The following KLF12 variants were observed in gnomAD, a reference collection of about 807,000 sequenced individuals.
KLF12 encodes KLF transcription factor 12.
A neutral mutation model predicts 37.8 loss-of-function variants in KLF12; 9 were observed. The ratio of observed to expected loss-of-function variants is 0.24; its 90% CI spans 0.14 to 0.42. The LOEUF (loss-of-function observed/expected upper bound fraction) is 0.42. KLF12 is among the 10% of genes least tolerant of loss of function. The probability of loss-of-function intolerance (pLI) is 1.00; values close to 1 mark genes in which losing one functional copy is unlikely to be tolerated. For missense variants in KLF12, 411 were observed against 516.0 expected (o/e 0.80, Z 1.97); for synonymous variants, 208 against 202.1 (o/e 1.03, Z -0.25).
chr13:74,279,319 T>C, the KLF12 span, among the ~76,000 whole-genome samples: 1 of 152,184 alleles, frequency 6.6e-6, no homozygotes, highest in Non-Finnish European at 1.5e-5. Context: ...CTTGGCCTTC[T>C]ATCCTGAATG....
chr13:74,283,661 A>G, the KLF12 span, among the ~76,000 whole-genome samples: 2 of 152,194 alleles, frequency 1.3e-5, no homozygotes, highest in Non-Finnish European at 2.9e-5. Flanking sequence ...CATAACTTTC[A>G]GTACTCTCAG....
the KLF12 span, among the ~76,000 whole-genome samples, chr13:74,141,733 C>T: frequency 1.3e-5 from 2 of 152,120 alleles, no homozygotes; most frequent in Non-Finnish European, 2.9e-5. Flanking sequence ...GAAAGCTTTC[C>T]AGAAGCATCA....
At chr13:74,173,073 G>A in the KLF12 span, among the ~76,000 whole-genome samples, 1 of 152,208 alleles carries the variant, frequency 6.6e-6, no homozygotes, top group East Asian at 1.9e-4. Flanking sequence ...TTAGAAACAA[G>A]TTTTTATTAC....
At chr13:74,210,808 G>C in the KLF12 span, among the ~76,000 whole-genome samples, 4 of 152,294 alleles carry the variant, frequency 2.6e-5, no homozygotes, top group Middle Eastern at 3.4e-3. Context: ...CCAGGCCTCA[G>C]ATCCAGTGTT....
At chr13:73,819,721 G>A (rs1883419228) in intron 4 of KLF12, among the ~76,000 whole-genome samples, 1 of 152,166 alleles carries the variant, frequency 6.6e-6, no homozygotes, top group Admixed American at 6.5e-5. Flanking sequence ...AAGCAGATGG[G>A]GTTGCATAGT....
chr13:74,289,481 T>A, the KLF12 span, among the ~76,000 whole-genome samples: 2 of 152,226 alleles, frequency 1.3e-5, no homozygotes, highest in East Asian at 1.9e-4. Context: ...GTTTCTTACC[T>A]GAAATACAGC....
At position 73,943,966 on chromosome 13, in the gene KLF12, G is replaced by A. The variant is rs1411713417; in HGVS notation, c.123+15C>T. On this transcript the variant is annotated intron_variant, in intron 3 of 7. Transcript: ENST00000377669. ...CATCAAAAGGAGTGGGGCATTGCTG[G>A]AAACTTGTGCTTACCCCTTGTTCAG... is the stretch of plus-strand genomic sequence containing the variant. 2 of 1,566,106 alleles carry A rather than the reference G, an allele frequency of 1.3e-6. No homozygotes were observed. The highest frequency in any genetic ancestry group is 2.2e-5 in the South Asian group (2 of 89,996).
At chr13:74,304,135 A>G in the KLF12 span, among the ~76,000 whole-genome samples, 708 of 152,264 alleles carry the variant, frequency 4.6e-3, 8 homozygotes, top group African/African-American at 0.016. Context: ...TAGTGAGTAC[A>G]CTGGCTGCAG....
At chr13:73,699,817 T>TA (rs1371299452) in intron 7 of KLF12, among the ~76,000 whole-genome samples, 1 of 152,108 alleles carries the variant, frequency 6.6e-6, no homozygotes, top group Non-Finnish European at 1.5e-5. Context: ...GAGCAAGGGT[T>TA]TGTCTGAGCC....
intron 3 of KLF12, among the ~76,000 whole-genome samples, chr13:73,892,760 A>C (rs906130662): frequency 7.9e-5 from 12 of 152,318 alleles, no homozygotes; most frequent in African/African-American, 2.9e-4. Context: ...GTTTTTGCAC[A>C]GCAACATGCA....
chr13:73,823,453 T>C (rs921141120), intron 4 of KLF12, among the ~76,000 whole-genome samples: 2 of 152,190 alleles, frequency 1.3e-5, no homozygotes, highest in African/African-American at 2.4e-5. Context: ...TTGTGCCACA[T>C]AGAGAATCAG....
intron 5 of KLF12, among the ~76,000 whole-genome samples, chr13:73,787,268 GACA>G (rs1784726528): frequency 6.6e-6 from 1 of 152,066 alleles, no homozygotes; most frequent in South Asian, 2.1e-4. Flanking sequence ...ACAACCATGT[GACA>G]ACATTAAAAA....
At chr13:74,073,416 C>A (rs1338632035) in intron 1 of KLF12, among the ~76,000 whole-genome samples, 3 of 152,124 alleles carry the variant, frequency 2.0e-5, no homozygotes, top group Admixed American at 2.0e-4. Flanking sequence ...TTTTTTGAGG[C>A]ATAGGAAGTT....
chr13:73,872,954 C>T (rs1886540036), intron 3 of KLF12, among the ~76,000 whole-genome samples: 1 of 152,134 alleles, frequency 6.6e-6, no homozygotes, highest in African/African-American at 2.4e-5. Context: ...TTGACCACTG[C>T]TATCTTCCAA....
intron 5 of KLF12, among the ~76,000 whole-genome samples, chr13:73,787,468 A>G (rs1201947658): frequency 1.3e-5 from 2 of 150,768 alleles, no homozygotes; most frequent in African/African-American, 4.9e-5. Context: ...TGATTAAATA[A>G]TCAGTAAATT....
the KLF12 span, among the ~76,000 whole-genome samples, chr13:74,143,105 C>T: frequency 4.0e-5 from 6 of 148,632 alleles, no homozygotes; most frequent in Non-Finnish European, 8.9e-5. Context: ...TCTTGTTCTC[C>T]TCCTCCTCCT....
At chr13:73,739,159 A>G (rs937758229) in intron 6 of KLF12, among the ~76,000 whole-genome samples, 1 of 151,642 alleles carries the variant, frequency 6.6e-6, no homozygotes, top group Non-Finnish European at 1.5e-5. Context: ...GCTTGAACCC[A>G]CGAGGTGGAG....
intron 3 of KLF12, among the ~76,000 whole-genome samples, chr13:73,896,090 G>C (rs7327693): frequency 0.51 from 77,215 of 151,866 alleles, 20,064 homozygotes; most frequent in African/African-American, 0.58. Flanking sequence ...TAAAGTTCTG[G>C]GATAGAAATC....
the KLF12 span, among the ~76,000 whole-genome samples, chr13:74,280,825 C>CTTTTTTTTTTTTTTTTTT: frequency 2.7e-5 from 3 of 110,562 alleles, no homozygotes; most frequent in African/African-American, 9.7e-5. Context: ...TTTCTTTTTT[C>CTTTTTTTTTTTTTTTTTT]TTTTTTTTTT....
Sources: gnomAD v4.1 joint callset for allele counts (sites outside exome capture counted in the v4.1 genomes callset) on GRCh38, gnomAD v4.1.1 for gene constraint, MANE v1.5 for transcripts, NCBI Gene and HGNC (gene_info 2026-07-23, HGNC 2026-07-21) for gene names.